Variants in PRKG1 observed in about 807,000 individuals in gnomAD.
PRKG1 encodes the protein cGMP-dependent protein kinase 1.
PRKG1 carries 35 observed loss-of-function variants against 88.1 expected under a neutral mutation model. The ratio of observed to expected loss-of-function variants is 0.40; its 90% CI spans 0.30 to 0.53. PRKG1 has a LOEUF of 0.53. PRKG1 is among the 20% of genes least tolerant of loss of function. The pLI, the probability that PRKG1 is intolerant of heterozygous loss-of-function variation, is 0.59. For missense variants in PRKG1, 540 were observed against 839.8 expected (o/e 0.64, Z 4.41); for synonymous variants, 303 against 292.5 (o/e 1.04, Z -0.37).
chr10:51,764,561 C>T (rs1029135544), intron 3 of PRKG1, among the ~76,000 whole-genome samples: 1 of 152,094 alleles, frequency 6.6e-6, no homozygotes, highest in Non-Finnish European at 1.5e-5. Flanking sequence ...TGTAGTATGA[C>T]CTCTAGTTAG....
chr10:52,259,121 C>CA (rs57994383), intron 10 of PRKG1, among the ~76,000 whole-genome samples: 31,790 of 98,648 alleles, frequency 0.32, 3,664 homozygotes, highest in Admixed American at 0.38. Context: ...TTAGACTTGC[C>CA]AAAAAAAAAA....
intron 1 of PRKG1, chr10:51,148,153 A>T: frequency 1.5e-6 from 1 of 689,054 alleles, no homozygotes; most frequent in Non-Finnish European, 1.8e-6. Flanking sequence ...AGAAACTTTT[A>T]AGAGGCTCTG....
At chr10:51,509,383 A>G (rs1321686028) in intron 3 of PRKG1, among the ~76,000 whole-genome samples, 5 of 152,238 alleles carry the variant, frequency 3.3e-5, no homozygotes, top group African/African-American at 1.2e-4. Flanking sequence ...TCAAGTCTCA[A>G]TTTTATCACT....
intron 9 of PRKG1, among the ~76,000 whole-genome samples, chr10:52,224,836 T>TATATATATATATATATATATACAC (rs1457134141): frequency 1.1e-5 from 1 of 89,848 alleles, no homozygotes; most frequent in Non-Finnish European, 2.5e-5. Flanking sequence ...TATATATATA[T>TATATATATATATATATATATACAC]ATACATACAT....
In PRKG1 at chr10:51,663,702, CAAA is replaced by C. The variant is rs56804341; in HGVS notation, c.593-140863_593-140861del. On this transcript the variant is annotated intron_variant, in intron 3 of 17. Transcript: ENST00000373980. Reference sequence around the variant, plus strand: ...ACTGGGAAACAGTGAGACCCTGTCTCAAAAAAAAAAAAAAAAAAAAAACACACC... The same window carrying C: ...ACTGGGAAACAGTGAGACCCTGTCTCAAAAAAAAAAAAAAAAAAACACACC... Among the ~76,000 whole-genome samples, 88 of 72,712 alleles carry C rather than the reference CAAA, an allele frequency of 1.2e-3. 2 individuals are homozygous for C. The highest frequency in any genetic ancestry group is 6.3e-4 in the Admixed American group (4 of 6,388). 47.7% of individuals were successfully genotyped at this position (72,712 alleles called of 152,430 possible).
chr10:51,275,617 C>T (rs1311728301), intron 2 of PRKG1, among the ~76,000 whole-genome samples: 1 of 152,100 alleles, frequency 6.6e-6, no homozygotes, highest in Non-Finnish European at 1.5e-5. Flanking sequence ...TTATAGGTTC[C>T]TGTGAATTTC....
intron 3 of PRKG1, among the ~76,000 whole-genome samples, chr10:51,702,613 C>T (rs912460026): frequency 2.6e-5 from 4 of 152,226 alleles, no homozygotes; most frequent in Middle Eastern, 3.4e-3. Flanking sequence ...AGACTGATTT[C>T]AAACACACAA....
At chr10:51,641,805 C>T (rs2132298839) in intron 3 of PRKG1, among the ~76,000 whole-genome samples, 1 of 152,092 alleles carries the variant, frequency 6.6e-6, no homozygotes, top group South Asian at 2.1e-4. Context: ...TTTTTTTCTC[C>T]AGAGGTGTTT....
At chr10:52,140,432 G>C (rs1837545620) in intron 8 of PRKG1, among the ~76,000 whole-genome samples, 1 of 151,868 alleles carries the variant, frequency 6.6e-6, no homozygotes, top group African/African-American at 2.4e-5. Context: ...TCACTCTTCT[G>C]TACACATCTT....
chr10:51,420,284 C>T (rs935852737), intron 2 of PRKG1, among the ~76,000 whole-genome samples: 2 of 152,124 alleles, frequency 1.3e-5, no homozygotes, highest in Non-Finnish European at 1.5e-5. Context: ...ACCTCCTTCT[C>T]TTGAGCAGGA....
At chr10:51,392,751 G>A (rs1411728054) in intron 2 of PRKG1, among the ~76,000 whole-genome samples, 1 of 143,592 alleles carries the variant, frequency 7.0e-6, no homozygotes, top group African/African-American at 2.5e-5. Flanking sequence ...GCGGCTGGCC[G>A]GGCGGGGGGC....
intron 2 of PRKG1, among the ~76,000 whole-genome samples, chr10:51,184,167 A>C (rs531424442): frequency 6.6e-6 from 1 of 152,338 alleles, no homozygotes; most frequent in East Asian, 1.9e-4. Context: ...AGCAATGGTA[A>C]CAGTAAACAA....
chr10:51,144,210 A>G (rs1294266389), intron 1 of PRKG1, among the ~76,000 whole-genome samples: 2 of 152,068 alleles, frequency 1.3e-5, no homozygotes. Flanking sequence ...TACCTTTGAA[A>G]AATTAGAGAT....
intron 3 of PRKG1, among the ~76,000 whole-genome samples, chr10:51,478,321 C>T (rs147143839): frequency 6.6e-6 from 1 of 152,120 alleles, no homozygotes; most frequent in Non-Finnish European, 1.5e-5. Context: ...TTGTGGTGTT[C>T]AATTTATCTG....
At chr10:51,334,138 CTTTCTCTCTCTCTT>C (rs1454686656) in intron 2 of PRKG1, among the ~76,000 whole-genome samples, 2 of 137,958 alleles carry the variant, frequency 1.4e-5, no homozygotes, top group Non-Finnish European at 3.1e-5. Flanking sequence ...CCCTTCCTTT[CTTTCTCTCTCTCTT>C]TCTCTCTCTC....
At chr10:51,761,363 C>T (rs1838018049) in intron 3 of PRKG1, among the ~76,000 whole-genome samples, 2 of 152,112 alleles carry the variant, frequency 1.3e-5, no homozygotes, top group South Asian at 2.1e-4. Flanking sequence ...ATTGTTATGC[C>T]TATTATTGTT....
At chr10:51,329,096 T>G (rs1024832382) in intron 2 of PRKG1, among the ~76,000 whole-genome samples, 1 of 152,204 alleles carries the variant, frequency 6.6e-6, no homozygotes, top group Non-Finnish European at 1.5e-5. Context: ...ATTTTTGATT[T>G]TGTTGCCATT....
chr10:51,803,322 G>GT (rs981287335), intron 3 of PRKG1, among the ~76,000 whole-genome samples: 6 of 151,960 alleles, frequency 3.9e-5, no homozygotes, highest in African/African-American at 1.5e-4. Flanking sequence ...AGCATGTTTT[G>GT]TTTTTTCTTT....
intron 3 of PRKG1, among the ~76,000 whole-genome samples, chr10:51,711,630 C>T (rs567111515): frequency 2.0e-5 from 3 of 152,314 alleles, no homozygotes; most frequent in African/African-American, 7.2e-5. Context: ...GGCTCCAAGG[C>T]AATTCTGATT....
Sources: allele counts gnomAD v4.1 joint callset (sites outside exome capture counted in the v4.1 genomes callset), GRCh38; gene constraint gnomAD v4.1.1; transcripts MANE v1.5; gene names NCBI Gene and HGNC (gene_info 2026-07-23, HGNC 2026-07-21).